Variants in GNA12 observed in about 807,000 individuals in gnomAD.
GNA12 encodes G protein subunit alpha 12.
In GNA12, 9 loss-of-function variants were observed where a neutral mutation model predicts 26.0. The ratio of observed to expected loss-of-function variants is 0.35; its 90% CI spans 0.21 to 0.60. The LOEUF (loss-of-function observed/expected upper bound fraction) is 0.60. GNA12 is among the 20% of genes least tolerant of loss of function. The pLI is 0.78. For synonymous variants in GNA12, 264 were observed against 219.6 expected (o/e 1.20, Z -1.79); for missense variants, 405 against 525.8 (o/e 0.77, Z 2.25).
At position 2,780,048 on chromosome 7, in the gene GNA12, G is replaced by GTGTATATATATATATATATA. The variant is rs748113158; in HGVS notation, c.525+14879_525+14880insTATATATATATATATATACA. ...GTACTAGTTTTTTACACATTTCTGT[G>GTGTATATATATATATATATA]TACATATATATATATATATATATAT... On this transcript the variant is annotated intron_variant, in intron 2 of 3. Coordinates refer to ENST00000275364, the MANE Select transcript of GNA12 (RefSeq NM_007353.3). Among the ~76,000 whole-genome samples, 94 of 84,696 alleles carry GTGTATATATATATATATATA rather than the reference G, an allele frequency of 1.1e-3. 9 individuals carry two copies. Among genetic ancestry groups the GTGTATATATATATATATATA allele is most frequent in the Admixed American group, 2.5e-3 (21 of 8,566 alleles). 55.6% of individuals were successfully genotyped at this position (84,696 alleles called of 152,430 possible).
In GNA12 at chr7:2,794,440, G is replaced by A. The variant is rs547251235; in HGVS notation, c.525+488C>T. Among the ~76,000 whole-genome samples the A allele has an allele frequency of 2.6e-5, 4 of 152,246 alleles. No individual in the cohort carries two copies. The East Asian group carries it at 5.8e-4, about 22-fold the overall frequency. ...CTGGTTATAGATTCAGACCCCAAAT[G>A]AATCTAAATAACTGGGCTTTGTGAA... On this transcript the variant is annotated intron_variant, in intron 2 of 3. Coordinates refer to ENST00000275364, the MANE Select transcript of GNA12 (RefSeq NM_007353.3).
At chr7:2,743,485 T>A (rs577295519) in intron 2 of GNA12, among the ~76,000 whole-genome samples, 2 of 152,320 alleles carry the variant, frequency 1.3e-5, no homozygotes, top group South Asian at 4.1e-4. Context: ...GCAGCTATTA[T>A]AATTAGGCTC....
At chr7:2,791,758 C>T (rs1308731776) in intron 2 of GNA12, among the ~76,000 whole-genome samples, 1 of 152,176 alleles carries the variant, frequency 6.6e-6, no homozygotes, top group Admixed American at 6.5e-5. Flanking sequence ...GTAACGGTGA[C>T]TTCAGATGGG....
At chr7:2,820,098 A>G (rs1231564947) in intron 1 of GNA12, among the ~76,000 whole-genome samples, 8 of 152,238 alleles carry the variant, frequency 5.3e-5, no homozygotes, top group Non-Finnish European at 4.4e-5. Context: ...AACGATGCTA[A>G]GAAGTCCGTC....
intron 1 of GNA12, among the ~76,000 whole-genome samples, chr7:2,811,743 T>G (rs780520685): frequency 4.6e-5 from 7 of 152,190 alleles, no homozygotes; most frequent in African/African-American, 1.7e-4. Flanking sequence ...TGTGCTGGTC[T>G]CTGATGTTGC....
In GNA12 at chr7:2,844,067, G is replaced by C; in HGVS notation, c.95C>G (p.Ala32Gly). The C allele has an allele frequency of 1.8e-6, 2 of 1,124,966 alleles. No individual in the cohort carries two copies. Among genetic ancestry groups the C allele is most frequent in the Non-Finnish European group, 2.2e-6 (2 of 922,190 alleles). The allele number at this position is 1,124,966 out of a possible 1,614,324, so 69.7% of individuals were successfully genotyped here. The change falls in exon 1 of 4, where the codon GCG becomes GGG. Residue 32 changes from alanine (A) to glycine (G), a missense_variant. Coordinates refer to ENST00000275364, the MANE Select transcript of GNA12 (RefSeq NM_007353.3). Reference sequence around the variant, plus strand: ...GCTACGCCTCCGGGCCTCGCGCTCCGCGTCGCGCGCGCCGCTGCCCGCCCT... The same window carrying C: ...GCTACGCCTCCGGGCCTCGCGCTCCCCGTCGCGCGCGCCGCTGCCCGCCCT... ...ERRAGSGARDAEREARRRSRD... is the reference protein window; with the variant it reads ...ERRAGSGARDGEREARRRSRD...
chr7:2,827,583 C>T (rs539630770), intron 1 of GNA12, among the ~76,000 whole-genome samples: 10 of 152,246 alleles, frequency 6.6e-5, no homozygotes, highest in Admixed American at 2.6e-4. Context: ...CATAACCACG[C>T]TGAGGACAGT....
At chr7:2,766,384 C>A (rs945944267) in intron 2 of GNA12, among the ~76,000 whole-genome samples, 1 of 142,412 alleles carries the variant, frequency 7.0e-6, no homozygotes, top group East Asian at 2.0e-4. Context: ...GGGTTGCTTC[C>A]GCCTTTTTTT....
chr7:2,843,233 G>T (rs1193175801), intron 1 of GNA12, among the ~76,000 whole-genome samples: 1 of 152,174 alleles, frequency 6.6e-6, no homozygotes, highest in African/African-American at 2.4e-5. Flanking sequence ...AGTGGGAAAT[G>T]GACAGATACC....
chr7:2,838,812 C>A (rs911799142), intron 1 of GNA12, among the ~76,000 whole-genome samples: 1 of 152,162 alleles, frequency 6.6e-6, no homozygotes, highest in South Asian at 2.1e-4. Flanking sequence ...AAGGACATTA[C>A]ATAATAAAAA....
At chr7:2,796,736 G>A (rs76247096) in intron 1 of GNA12, among the ~76,000 whole-genome samples, 3 of 152,078 alleles carry the variant, frequency 2.0e-5, no homozygotes, top group Non-Finnish European at 4.4e-5. Context: ...AGTTAATGTT[G>A]TTCTGCCCCT....
At chr7:2,792,902 A>T (rs1324248824) in intron 2 of GNA12, among the ~76,000 whole-genome samples, 1 of 152,194 alleles carries the variant, frequency 6.6e-6, no homozygotes, top group African/African-American at 2.4e-5. Flanking sequence ...TCTCCCTAAG[A>T]TATGTGTTAA....
chr7:2,790,497 C>A (rs1792489791), intron 2 of GNA12, among the ~76,000 whole-genome samples: 1 of 152,190 alleles, frequency 6.6e-6, no homozygotes, highest in South Asian at 2.1e-4. Context: ...GGAAATGAGA[C>A]CTGACTTCAG....
intron 2 of GNA12, among the ~76,000 whole-genome samples, chr7:2,767,329 G>A (rs186777078): frequency 6.6e-6 from 1 of 152,236 alleles, no homozygotes; most frequent in East Asian, 1.9e-4. Context: ...GTATCTTGAA[G>A]CTTTCCCTCT....
chr7:2,832,165 GA>G (rs1422703100), intron 1 of GNA12, among the ~76,000 whole-genome samples: 1 of 152,152 alleles, frequency 6.6e-6, no homozygotes, highest in Non-Finnish European at 1.5e-5. Context: ...ATGGACAGTC[GA>G]AAGGCCTCTT....
intron 1 of GNA12, among the ~76,000 whole-genome samples, chr7:2,829,109 T>C (rs1793546336): frequency 6.7e-6 from 1 of 149,872 alleles, no homozygotes; most frequent in Non-Finnish European, 1.5e-5. Flanking sequence ...AAGAAAATGG[T>C]CTGCTCATTG....
chr7:2,822,949 C>A (rs1583309629), intron 1 of GNA12, among the ~76,000 whole-genome samples: 1 of 152,224 alleles, frequency 6.6e-6, no homozygotes, highest in African/African-American at 2.4e-5. Context: ...GATTCACTAT[C>A]AGTCCTCTGC....
intron 1 of GNA12, among the ~76,000 whole-genome samples, chr7:2,809,557 A>C (rs1220566951): frequency 1.3e-5 from 2 of 152,196 alleles, no homozygotes; most frequent in African/African-American, 4.8e-5. Context: ...AATTCCTCCT[A>C]AAACTACCTC....
intron 2 of GNA12, chr7:2,762,579 T>C (rs758679903): frequency 3.3e-5 from 49 of 1,480,388 alleles, no homozygotes; most frequent in Non-Finnish European, 4.2e-5. Flanking sequence ...TCCTGAAAAT[T>C]ACATTTACAA....
Sources: gnomAD v4.1 joint callset for allele counts (sites outside exome capture counted in the v4.1 genomes callset) on GRCh38, gnomAD v4.1.1 for gene constraint, MANE v1.5 for transcripts, NCBI Gene and HGNC (gene_info 2026-07-23, HGNC 2026-07-21) for gene names.